IFT172: variants seen among roughly 807,000 people sequenced by gnomAD.
IFT172 encodes intraflagellar transport protein 172 homolog.
In IFT172, 164 loss-of-function variants were observed where a neutral mutation model predicts 248.9. The ratio of observed to expected loss-of-function variants is 0.66; its 90% CI spans 0.58 to 0.75. The LOEUF (loss-of-function observed/expected upper bound fraction) is 0.75. Ranked by LOEUF, IFT172 falls within the 30% of genes least tolerant of loss-of-function variation. IFT172 has a pLI of 0.00. For synonymous variants in IFT172, 729 were observed against 791.6 expected, an observed-to-expected ratio of 0.92 and a Z score of 1.33; for missense variants, 1,950 against 2,192.4, an observed-to-expected ratio of 0.89 and a Z score of 2.21.
chr2:27,487,960 A>G (rs1668883335), intron 1 of IFT172, among the ~76,000 whole-genome samples: 1 of 151,102 alleles, frequency 6.6e-6, no homozygotes, highest in African/African-American at 2.4e-5. Context: ...GTACCCCAGT[A>G]CATATTACAC....
rs917621990 is a variant in IFT172, at chr2:27,476,954, A to G, written c.1326-228T>C. ...TTCTCCTACCTCACCTTCCTGAGTA[A>G]CTGGGACTACAGGGGTGTGCCACCA... is the stretch of plus-strand genomic sequence containing the variant. On this transcript the variant is annotated intron_variant, in intron 13 of 47. Coordinates refer to ENST00000260570, the MANE Select transcript of IFT172 (RefSeq NM_015662.3). 1.0e-5 allele frequency: 6 copies of G among 588,246 alleles called. No individual in the cohort carries two copies. In the Admixed American group the frequency reaches 1.9e-4, roughly 19 times the overall value. 36.4% of individuals were successfully genotyped at this position (588,246 alleles called of 1,614,324 possible).
Position 27,445,935 on chromosome 2 carries a change from CA to C in IFT172, c.4808del (p.Leu1603ArgfsTer10). ...AFIFLNRFLD[L>X]TDAIEEGTLD... Reference sequence around the variant, plus strand: ...GCACAGCTTCCCTACTCACATCGGTCAGGTCCAAAAAGCGATTGAGGAAGAT... The same window carrying C: ...GCACAGCTTCCCTACTCACATCGGTCGGTCCAAAAAGCGATTGAGGAAGAT... On this transcript the variant is annotated frameshift_variant, in exon 44 of 48. Coordinates refer to ENST00000260570, the MANE Select transcript of IFT172 (RefSeq NM_015662.3). LOFTEE classifies it high-confidence loss of function. This position sits in a 1 kb window ranked among gnomAD's most constrained non-coding sequence, Gnocchi z 4.4. 1 of 1,614,222 alleles carries C rather than the reference CA, an allele frequency of 6.2e-7. No individual in the cohort carries two copies.
In IFT172 at chr2:27,459,881, G is replaced by A. The variant is rs748846469; in HGVS notation, c.2522-52C>T. On this transcript the variant is annotated intron_variant, in intron 23 of 47. Transcript: ENST00000260570. ...CCCAGATTTCCAGGGATGGGCCTCA[G>A]GAAAAAGGTAGGACAGGGAGATGAA... is the stretch of plus-strand genomic sequence containing the variant. 5 of 1,598,268 alleles carry A rather than the reference G, an allele frequency of 3.1e-6. No homozygotes were observed. The East Asian group carries it at 6.7e-5, about 21-fold the overall frequency.
chr2:27,488,685 ACT>A (rs1447028219), intron 1 of IFT172, among the ~76,000 whole-genome samples: 1 of 152,080 alleles, frequency 6.6e-6, no homozygotes, highest in Non-Finnish European at 1.5e-5. Context: ...ACTCTATATA[ACT>A]CTTCCCCAAG....
At chr2:27,446,760 C>T (rs1171444610) in intron 42 of IFT172, among the ~76,000 whole-genome samples, 3 of 130,570 alleles carry the variant, frequency 2.3e-5, no homozygotes, top group Admixed American at 9.5e-5. Flanking sequence ...ACTGCAGTGG[C>T]GCAATCTCGG....
chr2:27,453,039 C>G (rs539208896), intron 35 of IFT172: 1 of 363,148 alleles, frequency 2.8e-6, no homozygotes, highest in African/African-American at 2.1e-5. Context: ...AGTCTTCCCT[C>G]CTTCTTCACA....
intron 47 of IFT172, 79 bp from the exon 48 acceptor site, chr2:27,444,600 T>C: frequency 9.5e-7 from 1 of 1,057,648 alleles, no homozygotes; most frequent in Non-Finnish European, 1.4e-6. Flanking sequence ...GGCTTCAGGG[T>C]CTGCATCTGC....
chr2:27,453,197 T>C, intron 35 of IFT172, 187 bp downstream of exon 35: 1 of 814,178 alleles, frequency 1.2e-6, no homozygotes, highest in South Asian at 1.4e-5. Flanking sequence ...CAGGGCTCTG[T>C]CTTATATCCA....
chr2:27,446,111 G>A, intron 43 of IFT172, 123 bp from the exon 44 acceptor site: 2 of 1,401,368 alleles, frequency 1.4e-6, no homozygotes, highest in Non-Finnish European at 2.0e-6. Flanking sequence ...TGGGATCCAG[G>A]GAGAAAAATC....
At chr2:27,466,083 A>G (rs1667071506) in intron 16 of IFT172, 2 of 606,968 alleles carry the variant, frequency 3.3e-6, no homozygotes, top group Non-Finnish European at 5.8e-6. Flanking sequence ...GTATACTCCT[A>G]TGACAGCACC....
chr2:27,459,708 C>T lies in IFT172; in HGVS notation c.2642+1G>A. ...TCCTTTACATTCCCATACTCCCATA[C>T]CTGGCTTCGATGTAGTGATTAATGG... On this transcript the variant is annotated splice_donor_variant, in intron 24 of 47. Coordinates refer to ENST00000260570, the MANE Select transcript of IFT172 (RefSeq NM_015662.3). LOFTEE classifies it high-confidence loss of function. 1 of 1,612,120 alleles carries T rather than the reference C, an allele frequency of 6.2e-7. No individual in the cohort carries two copies. The highest frequency in any genetic ancestry group is 8.5e-7 in the Non-Finnish European group (1 of 1,180,012).
chr2:27,446,426 A>T, intron 42 of IFT172, 71 bp from the exon 43 acceptor site: 1 of 1,309,786 alleles, frequency 7.6e-7, no homozygotes, highest in South Asian at 1.2e-5. Context: ...TGATCCTGTA[A>T]GGCAGCCACA....
At chr2:27,484,291 A>G in intron 3 of IFT172, 25 bp from the exon 4 acceptor site, 1 of 1,613,196 alleles carries the variant, frequency 6.2e-7, no homozygotes, top group East Asian at 2.2e-5. Context: ...AAGGGGAAAC[A>G]TATTAAAAAC....
At position 27,454,274 on chromosome 2, in the gene IFT172, A is replaced by G; in HGVS notation, c.3530+80T>C. ...GTAACACTGATTTGTTCTAGGTTTG[A>G]ATGAAGGTCAAGATAATCATGAAAG... On this transcript the variant is annotated intron_variant, in intron 32 of 47. Transcript: ENST00000260570. The surrounding 1 kb of genome is among the most constrained non-coding windows in gnomAD (Gnocchi z 4.2). The G allele has an allele frequency of 6.2e-7, 1 of 1,607,294 alleles. No homozygotes were observed. The highest frequency in any genetic ancestry group is 1.1e-5 in the South Asian group (1 of 90,916).
intron 23 of IFT172, among the ~76,000 whole-genome samples, 194 bp downstream of exon 23, chr2:27,460,821 C>T (rs1666596103): frequency 7.2e-6 from 1 of 138,326 alleles, no homozygotes; most frequent in Non-Finnish European, 1.5e-5. Context: ...ATATGCTGAA[C>T]GCTGGTTCCC....
chr2:27,473,230 C>T (rs1415081400), intron 14 of IFT172, among the ~76,000 whole-genome samples: 2 of 150,176 alleles, frequency 1.3e-5, no homozygotes, highest in African/African-American at 2.4e-5. Context: ...ATTAGCTGGG[C>T]GTGGTGGCTG....
chr2:27,467,454 G>A (rs1351299382), intron 16 of IFT172, among the ~76,000 whole-genome samples: 1 of 132,702 alleles, frequency 7.5e-6, no homozygotes, highest in Non-Finnish European at 1.6e-5. Context: ...AAAAAAGCAG[G>A]GCATGGTGGC....
At position 27,449,726 on chromosome 2, in the gene IFT172, G is replaced by T; in HGVS notation, c.4125C>A (p.Asn1375Lys). ...IDAFIEGEEW[N>K]KAKRVAKELD... ...ACTCCTTAGCTACACGCTTCGCCTT[G>T]TTCCACTCCTCACCCTCGATGAAAG... Residue 1375 changes from asparagine to lysine, a missense_variant, in exon 37 of 48, where the codon AAC (asparagine) becomes AAA (lysine). Physicochemically the swap from Asn to Lys is moderately conservative, Grantham distance 94. Around this residue, in one of 3 missense-constraint regions of IFT172, gnomAD observed 620 missense variants for 699.0 expected, o/e 0.89. Transcript: ENST00000260570. 6.2e-7 allele frequency: 1 copy of T among 1,613,956 alleles called. No homozygotes were observed. The highest frequency in any genetic ancestry group is 8.5e-7 in the Non-Finnish European group (1 of 1,179,866).
chr2:27,465,301 G>A, intron 18 of IFT172, 110 bp downstream of exon 18: 2 of 842,152 alleles, frequency 2.4e-6, no homozygotes, highest in Non-Finnish European at 2.0e-6. Flanking sequence ...TGCTGGCAGT[G>A]GGAAGGGAGG....
Sources: gnomAD v4.1 joint callset for allele counts (sites outside exome capture counted in the v4.1 genomes callset) on GRCh38, gnomAD v4.1.1 for gene constraint, gnomAD v4.1.1 regional missense constraint, Gnocchi (gnomAD v3.1) non-coding constraint, MANE v1.5 for transcripts, NCBI Gene and HGNC (gene_info 2026-07-23, HGNC 2026-07-21) for gene names.